Variants in BID observed in about 807,000 individuals in gnomAD.
The protein encoded by BID is BH3-interacting domain death agonist.
In BID, 19 loss-of-function variants were observed where a neutral mutation model predicts 17.4. The ratio of observed to expected loss-of-function variants is 1.09; its 90% CI spans 0.76 to 1.60. BID has a LOEUF of 1.60. BID is among the 40% of genes most tolerant of loss of function. The pLI is 0.00. For missense variants in BID, 226 were observed against 256.0 expected (o/e 0.88, Z 0.80); for synonymous variants, 108 against 102.8 (o/e 1.05, Z -0.31).
chr22:17,757,482 G>T (rs975753866), intron 1 of BID, among the ~76,000 whole-genome samples: 2 of 151,548 alleles, frequency 1.3e-5, no homozygotes, highest in African/African-American at 4.8e-5. Flanking sequence ...GCCGAGGCGG[G>T]CGGATCACAA....
intron 4 of BID, 51 bp from the exon 5 acceptor site, chr22:17,738,280 A>G: frequency 1.3e-6 from 2 of 1,520,426 alleles, no homozygotes; most frequent in South Asian, 2.3e-5. Context: ...TTCCCTCTCA[A>G]AGGAAAGACA....
At chr22:17,772,073 G>C (rs934303376) in intron 1 of BID, among the ~76,000 whole-genome samples, 6 of 152,202 alleles carry the variant, frequency 3.9e-5, no homozygotes, top group African/African-American at 1.4e-4. Context: ...GCCTCTCCTT[G>C]CCTCAGTTAC....
intron 1 of BID, among the ~76,000 whole-genome samples, chr22:17,763,943 A>C (rs1238909970): frequency 6.6e-6 from 1 of 152,202 alleles, no homozygotes; most frequent in Non-Finnish European, 1.5e-5. Context: ...GTTTGGCTGA[A>C]ATAAAACCAG....
At chr22:17,756,432 C>CTTTCTTTCTTTCT (rs564601583) in intron 1 of BID, among the ~76,000 whole-genome samples, 2 of 69,228 alleles carry the variant, frequency 2.9e-5, no homozygotes, top group African/African-American at 4.5e-5. Context: ...TTCTTTCTTT[C>CTTTCTTTCTTTCT]TTCTTTCTTT....
rs1038002213 is a variant in BID at position 17,773,869 on chromosome 22, G to C, written c.-59+512C>G. The C allele has an allele frequency of 2.1e-5, 14 of 659,064 alleles. No homozygotes were observed. The highest frequency in any genetic ancestry group is 3.1e-5 in the Non-Finnish European group (12 of 385,004). 40.8% of individuals were successfully genotyped at this position (659,064 alleles called of 1,614,324 possible). Reference sequence around the variant, plus strand: ...AAGGAGCGGGCGAGCCCCAGTAAGCGGCCGCTCTGACCGCGCTTTGTCAGC... The same window carrying C: ...AAGGAGCGGGCGAGCCCCAGTAAGCCGCCGCTCTGACCGCGCTTTGTCAGC... On this transcript the variant is annotated intron_variant, in intron 1 of 5. Coordinates refer to ENST00000622694, the MANE Select transcript of BID (RefSeq NM_001196.4). The surrounding 1 kb of genome is among the most constrained non-coding windows in gnomAD (Gnocchi z 4.4).
At chr22:17,737,976 G>A (rs750389519) in intron 5 of BID, 41 bp downstream of exon 5, 11 of 1,603,190 alleles carry the variant, frequency 6.9e-6, no homozygotes, top group Middle Eastern at 1.8e-4. Flanking sequence ...AAAAGGGCAT[G>A]GGCGGCAGGC....
At position 17,735,424 on chromosome 22, in the gene BID, G is replaced by A; in HGVS notation, c.*156C>T. 2 of 784,072 alleles carry A rather than the reference G, an allele frequency of 2.6e-6. No homozygotes were observed. The highest frequency in any genetic ancestry group is 4.1e-6 in the Non-Finnish European group (2 of 484,450). 48.6% of individuals were successfully genotyped at this position (784,072 alleles called of 1,614,324 possible). A position where few individuals can be genotyped will look rare whatever the true frequency, so the allele number is the denominator to read the frequency against. ...GTAGATATTTTAAAGTGGGTTATAA[G>A]TTTAACATTGTCTTTAAAATAGAAG... On this transcript the variant is annotated 3_prime_UTR_variant, in exon 6 of 6. Transcript: ENST00000622694.
At chr22:17,744,990 T>C (rs1391381608) in intron 2 of BID, among the ~76,000 whole-genome samples, 1 of 152,210 alleles carries the variant, frequency 6.6e-6, no homozygotes, top group Non-Finnish European at 1.5e-5. Flanking sequence ...GTCCATAATA[T>C]TTTTCATTAG....
chr22:17,770,131 C>T (rs1197192457), intron 1 of BID, among the ~76,000 whole-genome samples: 1 of 152,110 alleles, frequency 6.6e-6, no homozygotes, highest in Admixed American at 6.5e-5. Flanking sequence ...CTGTCCCCAC[C>T]CCAGCCCTGA....
At chr22:17,774,254 C>G (rs375985) in intron 1 of BID, 127 bp downstream of exon 1, 3 of 151,528 alleles carry the variant, frequency 2.0e-5, no homozygotes, top group African/African-American at 7.3e-5. Flanking sequence ...CTCCCCTCCT[C>G]TGGCTCCCAC....
At chr22:17,739,643 G>A (rs889721130) in intron 3 of BID, 155 bp from the exon 4 acceptor site, 3 of 1,028,222 alleles carry the variant, frequency 2.9e-6, no homozygotes, top group Non-Finnish European at 4.2e-6. Context: ...GGCCACAGCG[G>A]GCGGGCTGAG....
chr22:17,736,675 G>A (rs1385033794), intron 5 of BID, among the ~76,000 whole-genome samples: 1 of 152,180 alleles, frequency 6.6e-6, no homozygotes, highest in East Asian at 1.9e-4. Flanking sequence ...CTGGAGTGCA[G>A]TGGCACAATC....
At chr22:17,739,683 G>T in intron 3 of BID, 195 bp from the exon 4 acceptor site, 1 of 722,546 alleles carries the variant, frequency 1.4e-6, no homozygotes, top group Non-Finnish European at 2.2e-6. Flanking sequence ...TCTGGGCAGT[G>T]CCGGAGCTCA....
At chr22:17,754,421 G>C (rs1227270921) in intron 1 of BID, among the ~76,000 whole-genome samples, 2 of 152,276 alleles carry the variant, frequency 1.3e-5, no homozygotes, top group Non-Finnish European at 2.9e-5. Context: ...AGGGTGCCCA[G>C]GGAGGGCAGG....
At chr22:17,758,091 C>A (rs2061607501) in intron 1 of BID, among the ~76,000 whole-genome samples, 1 of 152,182 alleles carries the variant, frequency 6.6e-6, no homozygotes, top group African/African-American at 2.4e-5. Flanking sequence ...CTGGGGGGTC[C>A]TTGAAGGTAA....
intron 1 of BID, among the ~76,000 whole-genome samples, chr22:17,751,807 G>A (rs1205258296): frequency 6.6e-6 from 1 of 152,230 alleles, no homozygotes; most frequent in Non-Finnish European, 1.5e-5. Context: ...AAATGACTGA[G>A]CTGCATGTGG....
In BID at chr22:17,739,416, C is replaced by T. The variant is rs370897535; in HGVS notation, c.296G>A (p.Arg99His). 35 of 1,611,684 alleles carry T rather than the reference C, an allele frequency of 2.2e-5. No individual in the cohort carries two copies. Among genetic ancestry groups the T allele is most frequent in the African/African-American group, 2.7e-5 (2 of 74,946 alleles). The change falls in exon 4 of 6, where the codon CGT becomes CAT. Residue 99 changes from arginine to histidine, a missense_variant. By Grantham distance (29) the Arg-to-His change is conservative (BLOSUM62 0). Coordinates refer to ENST00000622694, the MANE Select transcript of BID (RefSeq NM_001196.4). The part of the protein sequence containing the change: ...HLAQVGDSMD[R>H]SIPPGLVNGL... Reference sequence around the variant, plus strand: ...GTTCACCAGGCCCGGAGGGATGCTACGGTCCATGCTGTCCCCGACCTGGGC... The same window carrying T: ...GTTCACCAGGCCCGGAGGGATGCTATGGTCCATGCTGTCCCCGACCTGGGC...
intron 1 of BID, among the ~76,000 whole-genome samples, chr22:17,766,757 T>A (rs2145919964): frequency 6.6e-6 from 1 of 150,832 alleles, no homozygotes; most frequent in East Asian, 2.0e-4. Flanking sequence ...GCCCGGCTAA[T>A]TGTTTGTATT....
chr22:17,766,385 G>A (rs545482971), intron 1 of BID, among the ~76,000 whole-genome samples: 18 of 147,662 alleles, frequency 1.2e-4, no homozygotes, highest in Non-Finnish European at 1.6e-4. Context: ...AAGCTCAAGC[G>A]ATTCTCCTGC....
Sources: allele counts gnomAD v4.1 joint callset (sites outside exome capture counted in the v4.1 genomes callset), GRCh38; gene constraint gnomAD v4.1.1; non-coding constraint Gnocchi (gnomAD v3.1); transcripts MANE v1.5; gene names NCBI Gene and HGNC (gene_info 2026-07-23, HGNC 2026-07-21).